GLI3: variants seen among roughly 807,000 people sequenced by gnomAD.
GLI3 encodes transcription activator GLI3.
GLI3 carries 20 observed loss-of-function variants against 100.8 expected under a neutral mutation model. That is an observed-to-expected ratio of 0.20 (90% CI 0.14 to 0.29). GLI3 has a LOEUF of 0.29. Among genes scored for constraint, GLI3 ranks in the 10% least tolerant of loss-of-function variants. The pLI, the probability that GLI3 is intolerant of heterozygous loss-of-function variation, is 1.00. For synonymous variants in GLI3, 938 were observed against 860.5 expected (o/e 1.09, Z -1.58); for missense variants, 2,040 against 2,128.5 (o/e 0.96, Z 0.82).
intron 3 of GLI3, chr7:42,113,280 C>A (rs563621147): frequency 2.4e-4 from 135 of 553,538 alleles, no homozygotes; most frequent in African/African-American, 2.3e-3. Context: ...GAAGAAGAGG[C>A]GAGAACGACC....
intron 12 of GLI3, among the ~76,000 whole-genome samples, chr7:41,974,592 T>C (rs915815652): frequency 6.6e-6 from 1 of 152,164 alleles, no homozygotes; most frequent in African/African-American, 2.4e-5. Context: ...TGATCTGTAA[T>C]ATAAAGTGTG....
intron 6 of GLI3, among the ~76,000 whole-genome samples, chr7:42,041,187 AATAAGG>A (rs1784129465): frequency 6.6e-6 from 1 of 152,194 alleles, no homozygotes; most frequent in Non-Finnish European, 1.5e-5. Context: ...AGTCAGACCC[AATAAGG>A]GGTAATAAAT....
chr7:41,979,290 G>A (rs751150337), intron 10 of GLI3, among the ~76,000 whole-genome samples: 1 of 152,180 alleles, frequency 6.6e-6, no homozygotes, highest in Non-Finnish European at 1.5e-5. Flanking sequence ...TTAGCTCAGG[G>A]TTAATCAGAC....
At chr7:42,193,288 T>C (rs1235442563) in intron 2 of GLI3, among the ~76,000 whole-genome samples, 1 of 152,084 alleles carries the variant, frequency 6.6e-6, no homozygotes, top group Non-Finnish European at 1.5e-5. Context: ...GAGCTGTTCT[T>C]ATAAACAATG....
intron 2 of GLI3, among the ~76,000 whole-genome samples, chr7:42,180,694 AATT>A (rs1787574499): frequency 6.6e-6 from 1 of 152,190 alleles, no homozygotes; most frequent in Non-Finnish European, 1.5e-5. Flanking sequence ...AGTCGGTGAA[AATT>A]ATCTCCTGTT....
intron 2 of GLI3, among the ~76,000 whole-genome samples, chr7:42,170,267 TA>T (rs369939845): frequency 4.5e-3 from 117 of 25,744 alleles, no homozygotes; most frequent in African/African-American, 0.012. Flanking sequence ...AAAAAAAAAT[TA>T]TATATATATA....
intron 3 of GLI3, among the ~76,000 whole-genome samples, chr7:42,096,104 G>A (rs1785332565): frequency 6.6e-6 from 1 of 152,128 alleles, no homozygotes; most frequent in African/African-American, 2.4e-5. Context: ...AGAAGCCAGG[G>A]TGAACACTGT....
At chr7:42,111,452 A>G (rs1785704379) in intron 3 of GLI3, among the ~76,000 whole-genome samples, 1 of 152,166 alleles carries the variant, frequency 6.6e-6, no homozygotes, top group Non-Finnish European at 1.5e-5. Context: ...TTTCAAGAAG[A>G]TTAACAAGGC....
At chr7:42,112,563 G>A (rs542114779) in intron 3 of GLI3, among the ~76,000 whole-genome samples, 2 of 152,218 alleles carry the variant, frequency 1.3e-5, no homozygotes, top group African/African-American at 4.8e-5. Context: ...TTGCATGCCT[G>A]TATCAAAACA....
At chr7:42,208,034 C>T (rs1327717046) in intron 2 of GLI3, among the ~76,000 whole-genome samples, 1 of 152,126 alleles carries the variant, frequency 6.6e-6, no homozygotes, top group Non-Finnish European at 1.5e-5. Context: ...TGGCACGTGC[C>T]TCTAGTCTCA....
At chr7:42,067,198 G>A (rs1403785509) in intron 4 of GLI3, among the ~76,000 whole-genome samples, 2 of 152,084 alleles carry the variant, frequency 1.3e-5, no homozygotes, top group Non-Finnish European at 2.9e-5. Flanking sequence ...GATTGCTTAC[G>A]TTATGGACTT....
At chr7:42,123,619 T>C (rs1048501578) in intron 3 of GLI3, among the ~76,000 whole-genome samples, 12 of 152,218 alleles carry the variant, frequency 7.9e-5, no homozygotes, top group African/African-American at 2.9e-4. Flanking sequence ...TCTTTACTTA[T>C]TGGGGAAAGT....
intron 3 of GLI3, among the ~76,000 whole-genome samples, chr7:42,122,866 G>T (rs1786035828): frequency 6.6e-6 from 1 of 152,168 alleles, no homozygotes; most frequent in Non-Finnish European, 1.5e-5. Context: ...AGGGTGAAAA[G>T]TTATTGAATG....
chr7:42,063,863 G>C (rs2128748079), intron 4 of GLI3, among the ~76,000 whole-genome samples: 1 of 152,296 alleles, frequency 6.6e-6, no homozygotes, highest in Non-Finnish European at 1.5e-5. Context: ...CCCAGTCTAT[G>C]CTTCAAAGTC....
chr7:41,965,755 T>C lies in GLI3; in HGVS notation c.3318A>G (p.Ala1106=). 1.2e-6 allele frequency: 2 copies of C among 1,613,376 alleles called. No homozygotes were observed. The highest frequency in any genetic ancestry group is 1.7e-6 in the Non-Finnish European group (2 of 1,179,924). Residue 1106 remains alanine, a synonymous_variant, in exon 15 of 15, where the codon GCA becomes GCG. Coordinates refer to ENST00000395925, the MANE Select transcript of GLI3 (RefSeq NM_000168.6). The part of the protein sequence containing the change: ...VVQYLNSQNQ[A]GYEQHFPSAL... The stretch of plus-strand genomic sequence containing the variant: ...CGCTGGGGAAGTGCTGCTCGTACCC[T>C]GCTTGGTTCTGGGAATTTAAATACT...
intron 3 of GLI3, among the ~76,000 whole-genome samples, chr7:42,081,628 T>C (rs1321717125): frequency 6.6e-6 from 1 of 152,186 alleles, no homozygotes; most frequent in African/African-American, 2.4e-5. Context: ...AGCCAGAGAA[T>C]AACCGAGAAA....
intron 10 of GLI3, among the ~76,000 whole-genome samples, chr7:42,022,685 C>A (rs1788979192): frequency 6.6e-6 from 1 of 152,150 alleles, no homozygotes. Flanking sequence ...AATCCTGGTC[C>A]CATTTTCCAG....
At chr7:42,194,520 C>T (rs1787888278) in intron 2 of GLI3, among the ~76,000 whole-genome samples, 1 of 152,134 alleles carries the variant, frequency 6.6e-6, no homozygotes, top group Admixed American at 6.5e-5. Flanking sequence ...AGTTTCTGAG[C>T]TTTATATCCA....
chr7:41,999,367 A>C (rs1391178758), intron 10 of GLI3, among the ~76,000 whole-genome samples: 1 of 152,168 alleles, frequency 6.6e-6, no homozygotes, highest in Non-Finnish European at 1.5e-5. Context: ...TCTGAATCAG[A>C]ACTCAATACT....
Sources: gnomAD v4.1 joint callset for allele counts (sites outside exome capture counted in the v4.1 genomes callset) on GRCh38, gnomAD v4.1.1 for gene constraint, MANE v1.5 for transcripts, NCBI Gene and HGNC (gene_info 2026-07-23, HGNC 2026-07-21) for gene names.